LCK: variants seen among roughly 807,000 people sequenced by gnomAD.
LCK encodes the protein tyrosine-protein kinase Lck.
Under a neutral mutation model 64.6 loss-of-function variants are expected in LCK, and 14 were observed. That is an observed-to-expected ratio of 0.22 (90% CI 0.14 to 0.34). LCK has a LOEUF of 0.34. LCK is among the 10% of genes least tolerant of loss of function. The pLI, the probability that LCK is intolerant of heterozygous loss-of-function variation, is 1.00. For synonymous variants in LCK, 277 were observed against 263.6 expected, an observed-to-expected ratio of 1.05 and a Z score of -0.49; for missense variants, 434 against 668.1, an observed-to-expected ratio of 0.65 and a Z score of 3.86.
At chr1:32,272,432 AT>A (rs897215998) in intron 1 of LCK, among the ~76,000 whole-genome samples, 9 of 152,030 alleles carry the variant, frequency 5.9e-5, no homozygotes, top group African/African-American at 1.9e-4. Context: ...CTACAAAAAA[AT>A]AATCAGCTGG....
chr1:32,252,758 AG>A (rs1478255158), intron 1 of LCK, among the ~76,000 whole-genome samples: 1 of 152,198 alleles, frequency 6.6e-6, no homozygotes, highest in Non-Finnish European at 1.5e-5. Context: ...GGTTCAGAGG[AG>A]GGGAGAAGGT....
chr1:32,277,324 C>G (rs559927345), intron 9 of LCK, among the ~76,000 whole-genome samples: 11 of 151,858 alleles, frequency 7.2e-5, no homozygotes, highest in Non-Finnish European at 1.5e-4. Flanking sequence ...TCTGGAAGAG[C>G]ATTCACCCCA....
In LCK at chr1:32,285,993, A is replaced by T. The variant is rs982351799; in HGVS notation, c.*277A>T. ...TCCCATTTCCTGAGACCACAGAGAG[A>T]GGGGAGAAGCCTGGGATTGACAGAA... is the stretch of plus-strand genomic sequence containing the variant. On this transcript the variant is annotated 3_prime_UTR_variant, in exon 13 of 13. Coordinates refer to ENST00000336890, the MANE Select transcript of LCK (RefSeq NM_005356.5). The T allele has an allele frequency of 4.2e-6, 2 of 474,892 alleles. No homozygotes were observed. Among genetic ancestry groups the T allele is most frequent in the African/African-American group, 1.9e-5 (1 of 52,280 alleles). The allele number at this position is 474,892 out of a possible 1,614,324, so 29.4% of individuals were successfully genotyped here. A position where few individuals can be genotyped will look rare whatever the true frequency, so the allele number is the denominator to read the frequency against.
rs1640405669 is a variant in LCK at position 32,280,071 on chromosome 1, C to G, written c.1196-8C>G. 4 of 1,614,110 alleles carry G rather than the reference C, an allele frequency of 2.5e-6. No homozygotes were observed. The Admixed American group carries it at 6.7e-5, about 27-fold the overall frequency. The stretch of plus-strand genomic sequence containing the variant: ...GACCCAGGTGACCTCACTCTGCCTC[C>G]TCCTTAGGGGCCAAGTTTCCCATTA... On this transcript the variant is annotated splice_polypyrimidine_tract_variant and splice_region_variant and intron_variant, in intron 11 of 12. Transcript: ENST00000336890.
intron 12 of LCK, among the ~76,000 whole-genome samples, chr1:32,283,736 C>T (rs1158148088): frequency 6.6e-6 from 1 of 152,102 alleles, no homozygotes; most frequent in Non-Finnish European, 1.5e-5. Flanking sequence ...GTCCATTTGG[C>T]TTCGTGATGC....
In LCK at chr1:32,256,976, C is replaced by T. The variant is rs192899415; in HGVS notation, c.-6+5605C>T. 5.1e-3 allele frequency among the ~76,000 whole-genome samples: 777 copies of T among 152,100 alleles called. 6 individuals carry two copies. The highest frequency in any genetic ancestry group is 0.018 in the African/African-American group (744 of 41,496). On this transcript the variant is annotated intron_variant, in intron 1 of 12. Transcript: ENST00000336890. ...ATATATCAAACGTGAAAAGGTAGCC[C>T]GTGGAAGTGCCAAAAATCATGAAGG...
intron 12 of LCK, among the ~76,000 whole-genome samples, chr1:32,284,572 G>A (rs990382755): frequency 2.6e-5 from 4 of 151,892 alleles, no homozygotes; most frequent in African/African-American, 9.7e-5. Flanking sequence ...GTTTTGCCAT[G>A]TTGGTCAGGC....
At chr1:32,273,295 T>C (rs1640161955) in intron 1 of LCK, among the ~76,000 whole-genome samples, 2 of 147,712 alleles carry the variant, frequency 1.4e-5, no homozygotes, top group South Asian at 4.3e-4. Context: ...TGTGTTTATG[T>C]GAAAGTGTGT....
intron 2 of LCK, 139 bp downstream of exon 2, chr1:32,274,573 G>A (rs950965860): frequency 4.7e-5 from 42 of 897,898 alleles, no homozygotes; most frequent in Non-Finnish European, 7.0e-5. Flanking sequence ...AAGAGGCCCA[G>A]AGAGGGGAAG....
At chr1:32,272,040 T>C (rs2124343620) in intron 1 of LCK, among the ~76,000 whole-genome samples, 1 of 152,180 alleles carries the variant, frequency 6.6e-6, no homozygotes, top group Non-Finnish European at 1.5e-5. Context: ...TCCGAGCACT[T>C]TGGGAGGCTG....
rs774612255 is a variant in LCK, at chr1:32,276,510, T to C, written c.784+21T>C. ...GATGGGTGAGTGTGGCCTCCAGGAC[T>C]GCCTGGGAAGAGGGGAACGGGAGGG... On this transcript the variant is annotated intron_variant, in intron 8 of 12. Transcript: ENST00000336890. The surrounding 1 kb of genome is among the most constrained non-coding windows in gnomAD (Gnocchi z 4.6). The C allele has an allele frequency of 3.8e-6, 6 of 1,596,924 alleles. No individual in the cohort carries two copies. Among genetic ancestry groups the C allele is most frequent in the Non-Finnish European group, 5.1e-6 (6 of 1,170,160 alleles).
rs965336616 is a variant in LCK at position 32,251,902 on chromosome 1, G to C, written c.-6+531G>C. Among the ~76,000 whole-genome samples the C allele has an allele frequency of 1.9e-4, 25 of 132,284 alleles. No homozygotes were observed. The highest frequency in any genetic ancestry group is 8.4e-4 in the African/African-American group (24 of 28,418). 86.8% of individuals were successfully genotyped at this position (132,284 alleles called of 152,430 possible). A position where few individuals can be genotyped will look rare whatever the true frequency, so the allele number is the denominator to read the frequency against. On this transcript the variant is annotated intron_variant, in intron 1 of 12. Coordinates refer to ENST00000336890, the MANE Select transcript of LCK (RefSeq NM_005356.5). This position sits in a 1 kb window ranked among gnomAD's most constrained non-coding sequence, Gnocchi z 4.0. ...ACAAGAATCTCCTGAGAAAGAGAGA[G>C]AGAGAGAGAGAGAGAGAGAGAGAGA...
At chr1:32,281,459 CAAA>C (rs1218686624) in intron 12 of LCK, among the ~76,000 whole-genome samples, 2 of 60,982 alleles carry the variant, frequency 3.3e-5, no homozygotes, top group Non-Finnish European at 7.1e-5. Flanking sequence ...GAATTTGTCT[CAAA>C]AAAAAAAAAA....
Position 32,276,269 on chromosome 1 carries a change from G to T in LCK, c.632-68G>T. On this transcript the variant is annotated intron_variant, in intron 7 of 12. Coordinates refer to ENST00000336890, the MANE Select transcript of LCK (RefSeq NM_005356.5). This position sits in a 1 kb window ranked among gnomAD's most constrained non-coding sequence, Gnocchi z 4.6. ...TTCACCTAGATGGGGGCTTGGAGAA[G>T]TGGGGGAGGTGGTGTCAATACGAGG... is the stretch of plus-strand genomic sequence containing the variant. 1 of 1,512,884 alleles carries T rather than the reference G, an allele frequency of 6.6e-7. No homozygotes were observed. The highest frequency in any genetic ancestry group is 8.8e-7 in the Non-Finnish European group (1 of 1,134,740). 93.7% of individuals were successfully genotyped at this position (1,512,884 alleles called of 1,614,324 possible). A position where few individuals can be genotyped will look rare whatever the true frequency, so the allele number is the denominator to read the frequency against.
chr1:32,259,824 C>G (rs1030365575), intron 1 of LCK, among the ~76,000 whole-genome samples: 3 of 151,202 alleles, frequency 2.0e-5, no homozygotes, highest in African/African-American at 7.3e-5. Flanking sequence ...GACCCTGTCT[C>G]AAAATAAAAT....
intron 1 of LCK, among the ~76,000 whole-genome samples, chr1:32,269,012 T>TAGTCCC (rs1210395150): frequency 6.7e-6 from 1 of 148,630 alleles, no homozygotes; most frequent in Non-Finnish European, 1.5e-5. Flanking sequence ...TGCACGCCTG[T>TAGTCCC]AGTCCCACCT....
At chr1:32,284,208 C>T (rs571831156) in intron 12 of LCK, among the ~76,000 whole-genome samples, 43 of 149,658 alleles carry the variant, frequency 2.9e-4, no homozygotes, top group African/African-American at 8.6e-4. Flanking sequence ...GAAGCATCTC[C>T]GATCCAGACT....
chr1:32,276,385 A>G lies in LCK; in HGVS notation c.680A>G (p.Gln227Arg). The G allele has an allele frequency of 6.2e-7, 1 of 1,611,744 alleles. No homozygotes were observed. The highest frequency in any genetic ancestry group is 8.5e-7 in the Non-Finnish European group (1 of 1,179,736). ...CTRLSRPCQT[Q>R]KPQKPWWEDE... ...CGGTTGAGCCGCCCCTGCCAGACCC[A>G]GAAGCCCCAGAAGCCGTGGTGGGAG... is the stretch of plus-strand genomic sequence containing the variant. Residue 227 changes from glutamine (Q) to arginine (R), a missense_variant, in exon 8 of 13, where the codon CAG (glutamine) becomes CGG (arginine). This residue lies in a region of LCK where 201 missense variants were observed against 376.9 expected (regional missense o/e 0.53). Coordinates refer to ENST00000336890, the MANE Select transcript of LCK (RefSeq NM_005356.5). The surrounding 1 kb of genome is among the most constrained non-coding windows in gnomAD (Gnocchi z 4.6).
chr1:32,281,196 G>GCCA (rs1265143965), intron 12 of LCK, among the ~76,000 whole-genome samples: 1 of 149,016 alleles, frequency 6.7e-6, no homozygotes, highest in Non-Finnish European at 1.5e-5. Context: ...CCAAGACCAT[G>GCCA]CCATAACACT....
Sources: allele counts gnomAD v4.1 joint callset (sites outside exome capture counted in the v4.1 genomes callset), GRCh38; gene constraint gnomAD v4.1.1; regional missense constraint gnomAD v4.1.1; non-coding constraint Gnocchi (gnomAD v3.1); transcripts MANE v1.5; gene names NCBI Gene and HGNC (gene_info 2026-07-23, HGNC 2026-07-21).